The following BCL2L13 variants were observed in gnomAD, a reference collection of about 807,000 sequenced individuals.
BCL2L13 encodes the protein bcl-2-like protein 13.
In BCL2L13, 13 loss-of-function variants were observed where a neutral mutation model predicts 25.8. That is an observed-to-expected ratio of 0.50 (90% confidence interval 0.33 to 0.80). BCL2L13 has a LOEUF of 0.80. BCL2L13 is among the 30% of genes least tolerant of loss of function. The probability of loss-of-function intolerance (pLI) is 0.02; values close to 1 mark genes in which losing one functional copy is unlikely to be tolerated. For synonymous variants in BCL2L13, 244 were observed against 230.3 expected, an observed-to-expected ratio of 1.06 and a Z score of -0.54; for missense variants, 504 against 574.9, an observed-to-expected ratio of 0.88 and a Z score of 1.26.
intron 2 of BCL2L13, among the ~76,000 whole-genome samples, chr22:17,666,714 CTT>C (rs1317760151): frequency 4.9e-5 from 6 of 122,406 alleles, no homozygotes; most frequent in Non-Finnish European, 9.8e-5. Context: ...CAGGGTCTTG[CTT>C]TGTAGCACAG....
At chr22:17,631,381 G>A (rs2058010281) in intron 1 of BCL2L13, among the ~76,000 whole-genome samples, 1 of 152,024 alleles carries the variant, frequency 6.6e-6, no homozygotes, top group Non-Finnish European at 1.5e-5. Context: ...ACAGGTGTGA[G>A]CCACCACGCC....
At chr22:17,646,528 C>G (rs2146430273) in intron 1 of BCL2L13, among the ~76,000 whole-genome samples, 1 of 151,198 alleles carries the variant, frequency 6.6e-6, no homozygotes, top group African/African-American at 2.5e-5. Context: ...GGATTACAGG[C>G]ATGAGCCACT....
At chr22:17,726,014 G>A (rs2061286457) in intron 6 of BCL2L13, among the ~76,000 whole-genome samples, 1 of 152,076 alleles carries the variant, frequency 6.6e-6, no homozygotes, top group Admixed American at 6.5e-5. Flanking sequence ...GAGGTCAAGT[G>A]TGGAATTTTC....
At chr22:17,646,827 C>T (rs1475919995) in intron 1 of BCL2L13, among the ~76,000 whole-genome samples, 1 of 134,842 alleles carries the variant, frequency 7.4e-6, no homozygotes, top group Non-Finnish European at 1.5e-5. Flanking sequence ...TCAAGTGATT[C>T]TCCTGCCTCA....
intron 6 of BCL2L13, 114 bp downstream of exon 6, chr22:17,702,500 C>T: frequency 9.9e-7 from 1 of 1,013,840 alleles, no homozygotes; most frequent in Non-Finnish European, 1.3e-6. Flanking sequence ...TGTCTAATTG[C>T]TGGCACTATC....
intron 6 of BCL2L13, among the ~76,000 whole-genome samples, chr22:17,720,291 C>CCTGAGTAG (rs1450195018): frequency 1.3e-5 from 2 of 152,044 alleles, no homozygotes; most frequent in Non-Finnish European, 2.9e-5. Context: ...ACCTCAGCCT[C>CCTGAGTAG]CTGAGTAGCT....
intron 2 of BCL2L13, among the ~76,000 whole-genome samples, chr22:17,665,224 C>T (rs1321156894): frequency 1.3e-5 from 2 of 152,154 alleles, no homozygotes; most frequent in Non-Finnish European, 2.9e-5. Flanking sequence ...AGGGGCAAAA[C>T]GCCACCAGTC....
At chr22:17,663,584 A>G (rs142396605) in intron 2 of BCL2L13, among the ~76,000 whole-genome samples, 17 of 151,776 alleles carry the variant, frequency 1.1e-4, no homozygotes, top group African/African-American at 2.7e-4. Context: ...TTTTCATTCA[A>G]TTTTAATTTG....
At chr22:17,702,495 A>C (rs551573002) in intron 6 of BCL2L13, 109 bp downstream of exon 6, 3 of 1,051,604 alleles carry the variant, frequency 2.9e-6, no homozygotes, top group African/African-American at 1.7e-5. Flanking sequence ...TGCAGTGTCT[A>C]ATTGCTGGCA....
chr22:17,702,389 A>C lies in BCL2L13; in HGVS notation c.600+3A>C. On this transcript the variant is annotated splice_donor_region_variant and intron_variant, in intron 6 of 6. Transcript: ENST00000317582. ...ACATCATTCAGCAAGGTGGCTGGGT[A>C]TGAGCTGTTATATATTAAAAATATT... is the stretch of plus-strand genomic sequence containing the variant. 1.3e-6 allele frequency: 2 copies of C among 1,563,858 alleles called. No homozygotes were observed. Among genetic ancestry groups the C allele is most frequent in the Non-Finnish European group, 1.7e-6 (2 of 1,162,326 alleles).
At chr22:17,722,459 C>T (rs2061174390) in intron 6 of BCL2L13, among the ~76,000 whole-genome samples, 1 of 150,824 alleles carries the variant, frequency 6.6e-6, no homozygotes, top group South Asian at 2.1e-4. Flanking sequence ...TCAAGCTTGT[C>T]TTGAACTCCT....
chr22:17,670,053 C>T (rs2146614879), intron 2 of BCL2L13, among the ~76,000 whole-genome samples: 1 of 152,254 alleles, frequency 6.6e-6, no homozygotes, highest in South Asian at 2.1e-4. Flanking sequence ...ACCTTGGTAC[C>T]TTTCTCAAAA....
rs2061383770 is a variant in BCL2L13, at chr22:17,730,710, C to T, written c.*3176C>T. On this transcript the variant is annotated 3_prime_UTR_variant, in exon 7 of 7. Coordinates refer to ENST00000317582, the MANE Select transcript of BCL2L13 (RefSeq NM_015367.4). ...GTGGTGATCATACCCATCAAGACGG[C>T]CTTGTAGGCTATCTGATTGCTAACA... 6.6e-6 allele frequency: 1 copy of T among 152,118 alleles called. No homozygotes were observed. Among genetic ancestry groups the T allele is most frequent in the Non-Finnish European group, 1.5e-5 (1 of 68,024 alleles). 9.4% of individuals were successfully genotyped at this position (152,118 alleles called of 1,614,324 possible).
chr22:17,652,342 A>G (rs1008228209), intron 1 of BCL2L13, among the ~76,000 whole-genome samples: 1 of 152,182 alleles, frequency 6.6e-6, no homozygotes, highest in African/African-American at 2.4e-5. Context: ...CCAGCCACAC[A>G]TTAAGCACAT....
chr22:17,728,580 G>A lies in BCL2L13; in HGVS notation c.*1046G>A, dbSNP rs1187159083. ...ATATTTTTTCCAATATGGGACCTTA[G>A]TCTTACTACTGATGAGTTCTATGGG... On this transcript the variant is annotated 3_prime_UTR_variant, in exon 7 of 7. Transcript: ENST00000317582. The A allele has an allele frequency of 1.3e-5, 2 of 152,188 alleles. No individual in the cohort carries two copies. Among genetic ancestry groups the A allele is most frequent in the African/African-American group, 4.8e-5 (2 of 41,448 alleles). The allele number at this position is 152,188 out of a possible 1,614,324, so 9.4% of individuals were successfully genotyped here.
intron 2 of BCL2L13, 62 bp from the exon 3 acceptor site, chr22:17,683,152 C>G: frequency 2.7e-5 from 22 of 828,184 alleles, no homozygotes; most frequent in Non-Finnish European, 3.5e-5. Context: ...AAAAAAAGTG[C>G]TATTATATTC....
chr22:17,699,316 A>G (rs953903704), intron 5 of BCL2L13, among the ~76,000 whole-genome samples: 1 of 152,244 alleles, frequency 6.6e-6, no homozygotes, highest in Admixed American at 6.5e-5. Context: ...GTTATCATAA[A>G]TATTCATTGT....
rs189162714 is a variant in BCL2L13 at position 17,643,921 on chromosome 22, T to A, written c.-51+5035T>A. 4.3e-4 allele frequency among the ~76,000 whole-genome samples: 64 copies of A among 147,244 alleles called. 2 individuals carry two copies. The highest frequency in any genetic ancestry group is 1.7e-3 in the African/African-American group (62 of 36,932). The stretch of plus-strand genomic sequence containing the variant: ...AGCCACGGCGCCCGGCCAACTTTTT[T>A]ATTTTGAGACAGAATCTCACTCTGT... On this transcript the variant is annotated intron_variant, in intron 1 of 6. Transcript: ENST00000317582.
chr22:17,639,416 C>G (rs1050755862), intron 1 of BCL2L13, among the ~76,000 whole-genome samples: 3 of 152,186 alleles, frequency 2.0e-5, no homozygotes, highest in African/African-American at 7.2e-5. Flanking sequence ...CCTTCTTGCC[C>G]TTGGAGGCAG....
Sources: allele counts gnomAD v4.1 joint callset (sites outside exome capture counted in the v4.1 genomes callset), GRCh38; gene constraint gnomAD v4.1.1; transcripts MANE v1.5; gene names NCBI Gene and HGNC (gene_info 2026-07-23, HGNC 2026-07-21).